CCDC186: variants seen among roughly 807,000 people sequenced by gnomAD.
CCDC186 encodes the protein coiled-coil domain-containing protein 186.
CCDC186 carries 49 observed loss-of-function variants against 113.7 expected under a neutral mutation model. The observed-to-expected ratio is 0.43, with a 90% CI of 0.34 to 0.55. CCDC186 has a LOEUF of 0.55. Ranked by LOEUF, CCDC186 falls within the 20% of genes least tolerant of loss-of-function variation. The pLI, the probability that CCDC186 is intolerant of heterozygous loss-of-function variation, is 0.02. For synonymous variants in CCDC186, 355 were observed against 345.8 expected (o/e 1.03, Z -0.30); for missense variants, 890 against 1,011.1 (o/e 0.88, Z 1.62).
chr10:114,129,804 A>G (rs2031029323), intron 13 of CCDC186, 87 bp downstream of exon 13: 1 of 1,137,478 alleles, frequency 8.8e-7, no homozygotes, highest in Non-Finnish European at 1.3e-6. Context: ...TGCTGGGATT[A>G]CAGGTGTGAG....
At chr10:114,167,832 T>TA (rs2032381729) in intron 1 of CCDC186, among the ~76,000 whole-genome samples, 1 of 143,696 alleles carries the variant, frequency 7.0e-6, no homozygotes, top group African/African-American at 2.6e-5. Flanking sequence ...AAAAAATTGT[T>TA]AAAGTTAGCT....
At chr10:114,144,658 T>C in intron 5 of CCDC186, 42 bp from the exon 6 acceptor site, 2 of 1,516,774 alleles carry the variant, frequency 1.3e-6, no homozygotes, top group Non-Finnish European at 1.8e-6. Flanking sequence ...ATTTATAGAA[T>C]CAATTAATTA....
At chr10:114,164,065 AGTGTGT>A (rs747232906) in intron 1 of CCDC186, among the ~76,000 whole-genome samples, 1,719 of 107,020 alleles carry the variant, frequency 0.016, 57 homozygotes, top group East Asian at 0.069. Flanking sequence ...ACCAAGTTAG[AGTGTGT>A]GTGTGTGTGT....
intron 1 of CCDC186, among the ~76,000 whole-genome samples, chr10:114,167,799 TAAAAAAAAAA>T (rs60257583): frequency 1.4e-4 from 10 of 71,300 alleles, no homozygotes; most frequent in South Asian, 1.2e-3. Context: ...CTAATCTCCG[TAAAAAAAAAA>T]AAAAAAAAAA....
At chr10:114,133,374 G>A (rs941891668) in intron 10 of CCDC186, among the ~76,000 whole-genome samples, 3 of 152,252 alleles carry the variant, frequency 2.0e-5, no homozygotes, top group African/African-American at 7.2e-5. Context: ...GAACATGTGA[G>A]GAGAAGCATG....
At chr10:114,134,833 C>A in intron 10 of CCDC186, 80 bp downstream of exon 10, 1 of 1,492,036 alleles carries the variant, frequency 6.7e-7, no homozygotes, top group Non-Finnish European at 9.0e-7. Context: ...TTGTTTAATG[C>A]AATAACTGCA....
rs759827116 is a variant in CCDC186, at chr10:114,126,031, T to C, written c.2468A>G (p.His823Arg). The C allele has an allele frequency of 2.5e-5, 41 of 1,613,952 alleles. No homozygotes were observed. Among genetic ancestry groups the C allele is most frequent in the Admixed American group, 1.7e-4 (10 of 59,982 alleles). Residue 823 changes from histidine (H) to arginine (R), a missense_variant, in exon 15 of 16, where the codon CAT becomes CGT. Coordinates refer to ENST00000369287, the MANE Select transcript of CCDC186 (RefSeq NM_018017.4). ...CATGATGCCACCCCGTCTACTTAAA[T>C]GAACTTTGTTAAAATCAGATGCCTC... ...SSEASDFNKVHLSRRGGIMAS... is the reference protein window; with the variant it reads ...SSEASDFNKVRLSRRGGIMAS...
chr10:114,137,174 A>C lies in CCDC186; in HGVS notation c.1326+12T>G, dbSNP rs1423051259. 6.4e-6 allele frequency: 10 copies of C among 1,573,912 alleles called. No individual in the cohort carries two copies. The highest frequency in any genetic ancestry group is 8.7e-6 in the Non-Finnish European group (10 of 1,145,932). On this transcript the variant is annotated intron_variant, in intron 7 of 15. Transcript: ENST00000369287. ...AAATTTGATACTAATCTATTTTAAA[A>C]GTTATGCATACCTGATATGTTTTTA...
intron 4 of CCDC186, among the ~76,000 whole-genome samples, 192 bp downstream of exon 4, chr10:114,150,900 C>T (rs570224688): frequency 1.3e-5 from 2 of 152,336 alleles, no homozygotes; most frequent in East Asian, 3.9e-4. Context: ...ATCTGCCTGC[C>T]TCAGCCTCTG....
At chr10:114,149,053 G>A (rs1161325432) in intron 4 of CCDC186, among the ~76,000 whole-genome samples, 1 of 152,148 alleles carries the variant, frequency 6.6e-6, no homozygotes, top group Non-Finnish European at 1.5e-5. Context: ...AAAGTTGGGA[G>A]GAAAAGTTAG....
intron 9 of CCDC186, 89 bp downstream of exon 9, chr10:114,135,802 T>C: frequency 9.7e-7 from 1 of 1,027,296 alleles, no homozygotes; most frequent in Non-Finnish European, 1.5e-6. Context: ...TATATTAATG[T>C]CCTTTCCCCA....
At chr10:114,134,051 T>C (rs1447815667) in intron 10 of CCDC186, among the ~76,000 whole-genome samples, 1 of 152,176 alleles carries the variant, frequency 6.6e-6, no homozygotes, top group Non-Finnish European at 1.5e-5. Flanking sequence ...GAAAGACTAA[T>C]TTGATTCAGA....
intron 3 of CCDC186, among the ~76,000 whole-genome samples, chr10:114,153,677 T>C (rs1183904146): frequency 1.3e-5 from 2 of 151,268 alleles, no homozygotes; most frequent in East Asian, 3.9e-4. Context: ...TCCCAGCTAC[T>C]TGGGAGGCTG....
intron 3 of CCDC186, among the ~76,000 whole-genome samples, chr10:114,151,805 C>T (rs1002882651): frequency 2.0e-5 from 3 of 152,084 alleles, no homozygotes; most frequent in Non-Finnish European, 2.9e-5. Context: ...TTATTAGTGG[C>T]CCCAGAGTAT....
At chr10:114,128,903 G>C (rs917582634) in intron 13 of CCDC186, among the ~76,000 whole-genome samples, 22 of 152,200 alleles carry the variant, frequency 1.4e-4, no homozygotes, top group African/African-American at 5.3e-4. Context: ...AAAAGAAAAA[G>C]AGAGAGACCA....
intron 4 of CCDC186, among the ~76,000 whole-genome samples, chr10:114,146,016 C>T (rs11595697): frequency 0.08 from 12,217 of 152,220 alleles, 577 homozygotes; most frequent in Middle Eastern, 0.14. Flanking sequence ...CTATTTTCCA[C>T]GTACTCCTCC....
chr10:114,169,532 T>C (rs977269088), intron 1 of CCDC186, among the ~76,000 whole-genome samples: 9 of 152,136 alleles, frequency 5.9e-5, no homozygotes, highest in African/African-American at 2.2e-4. Flanking sequence ...CATGAGCCCC[T>C]GCGCCCAGCC....
In CCDC186 at chr10:114,150,512, T is replaced by A. The variant is rs201270221; in HGVS notation, c.888+580A>T. Among the ~76,000 whole-genome samples the A allele has an allele frequency of 2.6e-5, 4 of 152,174 alleles. No homozygotes were observed. The East Asian group carries it at 7.7e-4, about 29-fold the overall frequency. ...AGATACATAATCAAAATACCAATAATTAGCTATGGAACAAGGAATGGGATA... is the reference window on the plus strand; with the variant it reads ...AGATACATAATCAAAATACCAATAAATAGCTATGGAACAAGGAATGGGATA... On this transcript the variant is annotated intron_variant, in intron 4 of 15. Coordinates refer to ENST00000369287, the MANE Select transcript of CCDC186 (RefSeq NM_018017.4).
At chr10:114,150,337 T>A (rs1396782263) in intron 4 of CCDC186, among the ~76,000 whole-genome samples, 1 of 152,316 alleles carries the variant, frequency 6.6e-6, no homozygotes, top group African/African-American at 2.4e-5. Context: ...TGAGATCATA[T>A]ATACCAACTT....
Sources: gnomAD v4.1 joint callset for allele counts (sites outside exome capture counted in the v4.1 genomes callset) on GRCh38, gnomAD v4.1.1 for gene constraint, MANE v1.5 for transcripts, NCBI Gene and HGNC (gene_info 2026-07-23, HGNC 2026-07-21) for gene names.